Variants in CBLB observed in about 807,000 individuals in gnomAD.
CBLB encodes the protein Cbl proto-oncogene B.
Under a neutral mutation model 104.9 loss-of-function variants are expected in CBLB, and 31 were observed. That is an observed-to-expected ratio of 0.30 (90% CI 0.22 to 0.40). The LOEUF (loss-of-function observed/expected upper bound fraction) is 0.40. CBLB is among the 10% of genes least tolerant of loss of function. CBLB has a pLI of 1.00. For missense variants in CBLB, 1,062 were observed against 1,214.6 expected (o/e 0.87, Z 1.87); for synonymous variants, 440 against 422.6 (o/e 1.04, Z -0.51).
intron 3 of CBLB, among the ~76,000 whole-genome samples, chr3:105,814,714 C>A: frequency 6.6e-6 from 1 of 152,124 alleles, no homozygotes; most frequent in East Asian, 1.9e-4. Flanking sequence ...TTAGGACCGT[C>A]CTCATTACCA....
intron 18 of CBLB, among the ~76,000 whole-genome samples, chr3:105,660,100 C>T (rs753774378): frequency 6.6e-6 from 1 of 152,194 alleles, no homozygotes; most frequent in Non-Finnish European, 1.5e-5. Flanking sequence ...GGCTAGCTAA[C>T]TTGACAGGGC....
At chr3:105,684,183 A>C (rs1044988660) in intron 14 of CBLB, among the ~76,000 whole-genome samples, 105 of 152,294 alleles carry the variant, frequency 6.9e-4, no homozygotes, top group African/African-American at 2.4e-3. Flanking sequence ...TCATGGAGAG[A>C]TGCTGGAATG....
At chr3:105,821,362 G>A (rs1368344251) in intron 3 of CBLB, among the ~76,000 whole-genome samples, 1 of 151,952 alleles carries the variant, frequency 6.6e-6, no homozygotes, top group African/African-American at 2.4e-5. Flanking sequence ...ACAGTTCAAA[G>A]GCTTACACAT....
At chr3:105,810,875 G>A (rs376330225) in intron 3 of CBLB, among the ~76,000 whole-genome samples, 73 of 152,104 alleles carry the variant, frequency 4.8e-4, no homozygotes, top group African/African-American at 1.6e-3. Context: ...ATTTTAGACC[G>A]TAAGTACTTC....
At chr3:105,678,659 T>G in intron 16 of CBLB, 88 bp from the exon 17 acceptor site, 2 of 1,381,786 alleles carry the variant, frequency 1.4e-6, no homozygotes, top group Non-Finnish European at 2.0e-6. Flanking sequence ...TGATTTTCTC[T>G]TGCTGCTTAT....
intron 3 of CBLB, among the ~76,000 whole-genome samples, chr3:105,832,075 T>C (rs1416714953): frequency 1.3e-5 from 2 of 152,104 alleles, no homozygotes; most frequent in Non-Finnish European, 2.9e-5. Context: ...ATATAATTAT[T>C]AAAGCAATGG....
In CBLB at chr3:105,659,030, G is replaced by A. The variant is rs749309378; in HGVS notation, c.2889C>T (p.Ala963=). The A allele has an allele frequency of 5.0e-6, 8 of 1,613,758 alleles. No homozygotes were observed. The highest frequency in any genetic ancestry group is 6.8e-6 in the Non-Finnish European group (8 of 1,179,886). Residue 963 remains alanine (A), a synonymous_variant, in exon 19 of 19, where the codon GCC becomes GCT. Coordinates refer to ENST00000394030, the MANE Select transcript of CBLB (RefSeq NM_170662.5). ...LEIAQNNVEV[A]RSILREFAFP... is the part of the protein sequence containing the mutation. ...AGGCAAATTCTCGGAGGATGCTCCG[G>A]GCAACTTCGACATTATTCTGGGCTA... is the stretch of plus-strand genomic sequence containing the variant.
At chr3:105,825,565 G>A (rs760029362) in intron 3 of CBLB, among the ~76,000 whole-genome samples, 7 of 152,126 alleles carry the variant, frequency 4.6e-5, no homozygotes, top group Non-Finnish European at 7.4e-5. Context: ...CAGAGTAGGC[G>A]CTCAACAAAT....
chr3:105,810,602 T>C (rs1329261866), intron 3 of CBLB, among the ~76,000 whole-genome samples: 1 of 152,102 alleles, frequency 6.6e-6, no homozygotes, highest in Non-Finnish European at 1.5e-5. Context: ...ACTCTTCTGT[T>C]TATGTCCAAT....
chr3:105,780,653 G>GTTTTTTTTTTTTTTTT (rs1245925965), intron 3 of CBLB, among the ~76,000 whole-genome samples: 4 of 84,686 alleles, frequency 4.7e-5, no homozygotes, highest in Admixed American at 2.6e-4. Context: ...TAAAAGTTTT[G>GTTTTTTTTTTTTTTTT]TTTTTTGTTT....
intron 3 of CBLB, among the ~76,000 whole-genome samples, chr3:105,809,516 T>A (rs544141644): frequency 5.9e-5 from 9 of 152,304 alleles, no homozygotes; most frequent in African/African-American, 2.2e-4. Flanking sequence ...TAAACATACA[T>A]ACAGTCTACC....
At chr3:105,801,592 G>T (rs1317273070) in intron 3 of CBLB, among the ~76,000 whole-genome samples, 1 of 152,168 alleles carries the variant, frequency 6.6e-6, no homozygotes, top group African/African-American at 2.4e-5. Context: ...ACATGAAATG[G>T]TCTTCTTCAC....
chr3:105,821,058 A>AT (rs1327856341), intron 3 of CBLB, among the ~76,000 whole-genome samples: 1 of 152,186 alleles, frequency 6.6e-6, no homozygotes, highest in African/African-American at 2.4e-5. Flanking sequence ...CAACACTTAC[A>AT]TTTTTTATAC....
intron 13 of CBLB, among the ~76,000 whole-genome samples, chr3:105,690,777 G>A (rs866732834): frequency 2.0e-5 from 3 of 149,814 alleles, no homozygotes; most frequent in Non-Finnish European, 3.0e-5. Flanking sequence ...AGCCGAGATC[G>A]CGCCACTGCA....
At chr3:105,734,510 C>T (rs981270279) in intron 8 of CBLB, among the ~76,000 whole-genome samples, 2 of 144,784 alleles carry the variant, frequency 1.4e-5, no homozygotes, top group Non-Finnish European at 3.0e-5. Flanking sequence ...GCCACATGCT[C>T]ATATAATTTA....
intron 3 of CBLB, among the ~76,000 whole-genome samples, chr3:105,794,468 T>A (rs1044711859): frequency 1.3e-5 from 2 of 152,180 alleles, no homozygotes; most frequent in Non-Finnish European, 2.9e-5. Flanking sequence ...TTTAGGATAT[T>A]TTGAAATAAT....
chr3:105,759,782 A>C (rs915703117), intron 4 of CBLB, among the ~76,000 whole-genome samples: 1 of 152,110 alleles, frequency 6.6e-6, no homozygotes, highest in Non-Finnish European at 1.5e-5. Flanking sequence ...GAGTATAGGG[A>C]TGCCCAGGTC....
chr3:105,836,977 A>C (rs1481138767), intron 3 of CBLB, among the ~76,000 whole-genome samples: 1 of 152,142 alleles, frequency 6.6e-6, no homozygotes, highest in Non-Finnish European at 1.5e-5. Flanking sequence ...CAAAAAAAAA[A>C]AAAAATCATT....
chr3:105,776,632 G>C, intron 3 of CBLB, 90 bp from the exon 4 acceptor site: 1 of 1,180,418 alleles, frequency 8.5e-7, no homozygotes, highest in South Asian at 1.2e-5. Flanking sequence ...GACAAACAAT[G>C]TTATGTATGT....
Sources: allele counts gnomAD v4.1 joint callset (sites outside exome capture counted in the v4.1 genomes callset), GRCh38; gene constraint gnomAD v4.1.1; transcripts MANE v1.5; gene names NCBI Gene and HGNC (gene_info 2026-07-23, HGNC 2026-07-21).